MYO5C: variants seen among roughly 807,000 people sequenced by gnomAD.
MYO5C encodes unconventional myosin-Vc.
Under a neutral mutation model 235.7 loss-of-function variants are expected in MYO5C, and 194 were observed. The observed-to-expected ratio is 0.82, with a 90% CI of 0.73 to 0.93. The LOEUF is 0.93. Among genes scored for constraint, MYO5C ranks in the 40% least tolerant of loss-of-function variants. The pLI is 0.00. For synonymous variants in MYO5C, 707 were observed against 754.8 expected, an observed-to-expected ratio of 0.94 and a Z score of 1.04; for missense variants, 2,038 against 2,127.2, an observed-to-expected ratio of 0.96 and a Z score of 0.82.
chr15:52,279,779 T>A, intron 2 of MYO5C, 105 bp from the exon 3 acceptor site: 1 of 1,121,506 alleles, frequency 8.9e-7, no homozygotes, highest in Non-Finnish European at 1.2e-6. Flanking sequence ...GAGTCATCAC[T>A]GACATTAAAA....
intron 24 of MYO5C, among the ~76,000 whole-genome samples, chr15:52,229,609 G>C (rs1305709863): frequency 6.6e-6 from 1 of 152,174 alleles, no homozygotes; most frequent in Non-Finnish European, 1.5e-5. Flanking sequence ...GGGTGACAGA[G>C]TGAGACCCTC....
At chr15:52,246,522 C>T (rs979420981) in intron 16 of MYO5C, among the ~76,000 whole-genome samples, 1 of 152,160 alleles carries the variant, frequency 6.6e-6, no homozygotes, top group African/African-American at 2.4e-5. Context: ...CTTGTTACAC[C>T]TTATATTCAC....
intron 36 of MYO5C, 44 bp from the exon 37 acceptor site, chr15:52,206,010 T>A: frequency 1.7e-6 from 2 of 1,204,422 alleles, no homozygotes; most frequent in South Asian, 1.7e-5. Flanking sequence ...AATACAAACA[T>A]GTAGGAAATT....
chr15:52,248,006 A>G (rs2036390405), intron 14 of MYO5C, among the ~76,000 whole-genome samples: 1 of 152,196 alleles, frequency 6.6e-6, no homozygotes, highest in Non-Finnish European at 1.5e-5. Context: ...TTCGCAATGA[A>G]TGAATTAATC....
intron 30 of MYO5C, 127 bp from the exon 31 acceptor site, chr15:52,219,949 C>T (rs1418427214): frequency 2.3e-5 from 15 of 649,910 alleles, no homozygotes; most frequent in Middle Eastern, 5.2e-4. Context: ...GCTTCTCTGG[C>T]CCATATTGGA....
chr15:52,220,081 C>A (rs541731853), intron 30 of MYO5C, among the ~76,000 whole-genome samples: 1 of 152,198 alleles, frequency 6.6e-6, no homozygotes, highest in Admixed American at 6.5e-5. Flanking sequence ...TATTGGGCCT[C>A]CCTGAAAGCT....
intron 8 of MYO5C, among the ~76,000 whole-genome samples, chr15:52,269,506 C>T (rs1380432102): frequency 2.7e-5 from 4 of 150,520 alleles, no homozygotes; most frequent in African/African-American, 9.8e-5. Flanking sequence ...GATTCCTCTG[C>T]CTCAGCCTCC....
intron 1 of MYO5C, among the ~76,000 whole-genome samples, chr15:52,293,596 ACT>A: frequency 6.6e-6 from 1 of 151,548 alleles, no homozygotes; most frequent in Non-Finnish European, 1.5e-5. Flanking sequence ...TCTCATACAG[ACT>A]CTAACCTCAA....
intron 29 of MYO5C, among the ~76,000 whole-genome samples, chr15:52,222,409 G>A (rs1338387988): frequency 1.3e-5 from 2 of 152,168 alleles, no homozygotes; most frequent in African/African-American, 4.8e-5. Context: ...GGAGAGGAGG[G>A]GGTAGTAAGG....
intron 10 of MYO5C, among the ~76,000 whole-genome samples, chr15:52,258,199 A>T (rs530416874): frequency 5.3e-5 from 8 of 152,324 alleles, no homozygotes; most frequent in African/African-American, 1.9e-4. Flanking sequence ...TGTGACTTAA[A>T]ATGCTAGAGG....
chr15:52,228,164 G>A (rs904642260), intron 25 of MYO5C, among the ~76,000 whole-genome samples: 2 of 149,066 alleles, frequency 1.3e-5, no homozygotes, highest in African/African-American at 4.9e-5. Context: ...TTTTTTTTGA[G>A]ACGGAGTCTC....
chr15:52,279,731 T>C (rs2037127601), intron 2 of MYO5C, 57 bp from the exon 3 acceptor site: 6 of 1,529,088 alleles, frequency 3.9e-6, no homozygotes, highest in African/African-American at 1.4e-5. Context: ...GGTGTTTCTG[T>C]TGAAGCACTG....
chr15:52,275,707 T>A lies in MYO5C; in HGVS notation c.461A>T (p.Asn154Ile). 6.2e-7 allele frequency: 1 copy of A among 1,614,122 alleles called. No individual in the cohort carries two copies. Among genetic ancestry groups the A allele is most frequent in the Non-Finnish European group, 8.5e-7 (1 of 1,179,974 alleles). The change falls in exon 5 of 41, where the codon AAC becomes ATC. Residue 154 changes from asparagine to isoleucine, a missense_variant. Physicochemically the swap from Asn to Ile is moderately radical, Grantham distance 149. Coordinates refer to ENST00000261839, the MANE Select transcript of MYO5C (RefSeq NM_018728.4). ...CTCCCCACTTACAATTATGGACTGG[T>A]TTCTGTTGTTTCTAAAGCAAATAAA... ...AYKQMARNNRNQSIIVSGESG... is the reference protein window; with the variant it reads ...AYKQMARNNRIQSIIVSGESG...
intron 6 of MYO5C, 45 bp downstream of exon 6, chr15:52,272,535 T>C (rs567266101): frequency 6.3e-7 from 1 of 1,597,558 alleles, no homozygotes; most frequent in African/African-American, 1.3e-5. Context: ...TATGTAAATG[T>C]AAATAATGCT....
intron 14 of MYO5C, among the ~76,000 whole-genome samples, chr15:52,248,463 A>T (rs984673118): frequency 6.6e-6 from 1 of 152,122 alleles, no homozygotes; most frequent in African/African-American, 2.4e-5. Context: ...TGATTCTTCA[A>T]TGGTTCTATT....
chr15:52,253,596 CA>C (rs1274360633), intron 11 of MYO5C, 139 bp from the exon 12 acceptor site: 5 of 801,796 alleles, frequency 6.2e-6, no homozygotes, highest in African/African-American at 5.2e-5. Flanking sequence ...GAAGTATAGA[CA>C]AGGCCCATAC....
At position 52,289,606 on chromosome 15, in the gene MYO5C, C is replaced by T. The variant is rs1271752082; in HGVS notation, c.27+6004G>A. Among the ~76,000 whole-genome samples the T allele has an allele frequency of 2.6e-5, 4 of 152,050 alleles. No homozygotes were observed. The East Asian group carries it at 7.7e-4, about 29-fold the overall frequency. On this transcript the variant is annotated intron_variant, in intron 1 of 40. Transcript: ENST00000261839. ...CTTGCCATGGCCATAAGTCAGCCCCCAACCCTACCCCCACCAATCCTCTCT... is the reference window on the plus strand; with the variant it reads ...CTTGCCATGGCCATAAGTCAGCCCCTAACCCTACCCCCACCAATCCTCTCT...
intron 30 of MYO5C, among the ~76,000 whole-genome samples, chr15:52,220,824 C>CAA (rs34395430): frequency 8.4e-6 from 1 of 118,554 alleles, no homozygotes; most frequent in African/African-American, 3.1e-5. Flanking sequence ...AACTCAGTCT[C>CAA]AAAAAAAAAA....
Position 52,272,671 on chromosome 15 carries a change from T to C in MYO5C, c.659A>G (p.Lys220Arg), listed in dbSNP as rs2036951078. 2 of 1,614,198 alleles carry C rather than the reference T, an allele frequency of 1.2e-6. No individual in the cohort carries two copies. Among genetic ancestry groups the C allele is most frequent in the Admixed American group, 1.7e-5 (1 of 60,032 alleles). ...TRNDNSSRFG[K>R]YTEISFDEQN... The stretch of plus-strand genomic sequence containing the variant: ...TTCATCAAAACTGATTTCTGTGTAT[T>C]TCCCAAACCGACTACTATTGTCATT... Residue 220 changes from lysine to arginine, a missense_variant, in exon 6 of 41, where the codon AAA (lysine) becomes AGA (arginine). Coordinates refer to ENST00000261839, the MANE Select transcript of MYO5C (RefSeq NM_018728.4).
Sources: gnomAD v4.1 joint callset for allele counts (sites outside exome capture counted in the v4.1 genomes callset) on GRCh38, gnomAD v4.1.1 for gene constraint, MANE v1.5 for transcripts, NCBI Gene and HGNC (gene_info 2026-07-23, HGNC 2026-07-21) for gene names.